The following MYO16 variants were observed in gnomAD, a reference collection of about 807,000 sequenced individuals.
MYO16 encodes unconventional myosin-XVI.
A neutral mutation model predicts 205.3 loss-of-function variants in MYO16; 94 were observed. The observed-to-expected ratio is 0.46, with a 90% CI of 0.39 to 0.54. The LOEUF is 0.54. Among genes scored for constraint, MYO16 ranks in the 20% least tolerant of loss-of-function variants. The pLI is 0.00. For synonymous variants in MYO16, 988 were observed against 954.0 expected (o/e 1.04, Z -0.66); for missense variants, 2,315 against 2,387.5 (o/e 0.97, Z 0.63).
At chr13:109,192,460 G>A (rs1879962746) in intron 34 of MYO16, among the ~76,000 whole-genome samples, 1 of 151,952 alleles carries the variant, frequency 6.6e-6, no homozygotes, top group Admixed American at 6.6e-5. Flanking sequence ...ATTATCTTAA[G>A]GGCACTGTAA....
In MYO16 at chr13:108,877,198, C is replaced by T. The variant is rs140144374; in HGVS notation, c.1426-5861C>T. ...AATTGTTTTATAAATGCTCTTTTTG[C>T]TCATGTTTGAGAGTTTCAACAGAGA... is the stretch of plus-strand genomic sequence containing the variant. On this transcript the variant is annotated intron_variant, in intron 12 of 34. Coordinates refer to ENST00000457511, the MANE Select transcript of MYO16 (RefSeq NM_001198950.3). Among the ~76,000 whole-genome samples, 58 of 152,238 alleles carry T rather than the reference C, an allele frequency of 3.8e-4. No individual in the cohort carries two copies. The East Asian group carries it at 0.011, about 29-fold the overall frequency.
At chr13:109,115,966 A>C (rs1875656497) in intron 28 of MYO16, among the ~76,000 whole-genome samples, 2 of 149,412 alleles carry the variant, frequency 1.3e-5, no homozygotes, top group African/African-American at 2.5e-5. Flanking sequence ...GCATCTCAAA[A>C]AAACAAACAA....
intron 16 of MYO16, among the ~76,000 whole-genome samples, chr13:108,912,534 A>G (rs539378076): frequency 6.6e-6 from 1 of 152,280 alleles, no homozygotes; most frequent in African/African-American, 2.4e-5. Flanking sequence ...TAAAGGAGGA[A>G]ATCAAAGCCA....
chr13:108,680,786 G>A (rs188894236), intron 2 of MYO16, among the ~76,000 whole-genome samples: 6 of 152,298 alleles, frequency 3.9e-5, no homozygotes, highest in African/African-American at 7.2e-5. Flanking sequence ...ATGGGGAGAT[G>A]AGGGAGTGTA....
intron 23 of MYO16, among the ~76,000 whole-genome samples, chr13:109,046,320 A>AT (rs1887042298): frequency 6.6e-6 from 1 of 151,888 alleles, no homozygotes; most frequent in South Asian, 2.1e-4. Context: ...ACAACAAACT[A>AT]TTTCAGTCTT....
chr13:108,939,717 T>C (rs4597176), intron 16 of MYO16, among the ~76,000 whole-genome samples: 16,942 of 152,258 alleles, frequency 0.11, 1,227 homozygotes, highest in Middle Eastern at 0.24. Flanking sequence ...CTAATGTCTC[T>C]AATTCAGAGT....
intron 4 of MYO16, among the ~76,000 whole-genome samples, chr13:108,766,682 G>T (rs1399176250): frequency 6.6e-6 from 1 of 152,162 alleles, no homozygotes; most frequent in Non-Finnish European, 1.5e-5. Flanking sequence ...GACTGCATTT[G>T]GTTGCCTTTT....
At chr13:108,946,698 AG>A in intron 16 of MYO16, among the ~76,000 whole-genome samples, 1 of 152,306 alleles carries the variant, frequency 6.6e-6, no homozygotes. Context: ...CCAGAAAAAC[AG>A]AGCCAATAGC....
chr13:108,545,754 A>T, the MYO16 span, among the ~76,000 whole-genome samples: 1 of 152,158 alleles, frequency 6.6e-6, no homozygotes, highest in South Asian at 2.1e-4. Flanking sequence ...GGAGCAGGGA[A>T]GAGGGATGGA....
At position 109,055,554 on chromosome 13, in the gene MYO16, T is replaced by C. The variant is rs1887389856; in HGVS notation, c.3294T>C (p.Tyr1098=). ...TGGAGATGGTGAAGATCTTCCGATA[T>C]GGATACCCTGTTCGCCTTTCCTTCT... ...GVLEMVKIFR[Y]GYPVRLSFSD... is the part of the protein sequence containing the mutation. Residue 1098 remains tyrosine, a synonymous_variant, in exon 27 of 35, where the codon TAT becomes TAC. Transcript: ENST00000457511. This position sits in a 1 kb window ranked among gnomAD's most constrained non-coding sequence, Gnocchi z 5.0. 1.2e-6 allele frequency: 2 copies of C among 1,612,690 alleles called. No homozygotes were observed. Among genetic ancestry groups the C allele is most frequent in the East Asian group, 2.2e-5 (1 of 44,856 alleles).
At chr13:108,656,961 G>T (rs780009102) in intron 1 of MYO16, among the ~76,000 whole-genome samples, 4 of 152,192 alleles carry the variant, frequency 2.6e-5, no homozygotes, top group Non-Finnish European at 5.9e-5. Flanking sequence ...CTCAGCACCA[G>T]ACAGCAGGCT....
At chr13:108,568,450 C>T in the MYO16 span, among the ~76,000 whole-genome samples, 1 of 152,030 alleles carries the variant, frequency 6.6e-6, no homozygotes, top group Admixed American at 6.5e-5. Context: ...ACTATATATT[C>T]AGCATTTTTT....
At chr13:108,854,132 T>C (rs1878045981) in intron 10 of MYO16, among the ~76,000 whole-genome samples, 1 of 152,068 alleles carries the variant, frequency 6.6e-6, no homozygotes. Context: ...TAGCTGAGAT[T>C]ACAGGCATGT....
chr13:109,065,017 G>A (rs187636120), intron 27 of MYO16, among the ~76,000 whole-genome samples: 1 of 152,202 alleles, frequency 6.6e-6, no homozygotes, highest in Non-Finnish European at 1.5e-5. Context: ...CCCAGTTGCA[G>A]CCATATGGCT....
chr13:108,964,633 C>A (rs935800169), intron 19 of MYO16, 128 bp from the exon 20 acceptor site: 9 of 995,224 alleles, frequency 9.0e-6, no homozygotes, highest in Non-Finnish European at 1.2e-5. Context: ...TTATGAGAAT[C>A]CGTATAATTT....
chr13:108,962,384 AT>A (rs1296263305), intron 18 of MYO16, 39 bp from the exon 19 acceptor site: 4 of 1,531,520 alleles, frequency 2.6e-6, no homozygotes, highest in East Asian at 2.3e-5. Context: ...GTATCAAAAA[AT>A]ATACTAACTT....
intron 28 of MYO16, among the ~76,000 whole-genome samples, chr13:109,115,181 C>T (rs977083354): frequency 2.7e-5 from 4 of 146,904 alleles, no homozygotes; most frequent in South Asian, 4.4e-4. Flanking sequence ...TTCCGTGCCA[C>T]CTACACTCTA....
In MYO16 at chr13:109,055,431, T is replaced by G; in HGVS notation, c.3171T>G (p.Thr1057=). 1 of 1,613,054 alleles carries G rather than the reference T, an allele frequency of 6.2e-7. No homozygotes were observed. The highest frequency in any genetic ancestry group is 8.5e-7 in the Non-Finnish European group (1 of 1,179,416). ...TTATTGGAAAACTTCAGAAGTGCAC[T>G]CCACACTTCATTCATTGCATCAGGC... ...MDIIGKLQKC[T]PHFIHCIRPN... is the part of the protein sequence containing the mutation. Residue 1057 remains threonine, a synonymous_variant, in exon 27 of 35, where the codon ACT becomes ACG. Coordinates refer to ENST00000457511, the MANE Select transcript of MYO16 (RefSeq NM_001198950.3). This position sits in a 1 kb window ranked among gnomAD's most constrained non-coding sequence, Gnocchi z 5.0.
chr13:108,778,546 G>A (rs1203737958), intron 4 of MYO16, among the ~76,000 whole-genome samples: 1 of 152,178 alleles, frequency 6.6e-6, no homozygotes, highest in Non-Finnish European at 1.5e-5. Flanking sequence ...TTGAACCCGG[G>A]AGGCGAAGGT....
Sources: gnomAD v4.1 joint callset for allele counts (sites outside exome capture counted in the v4.1 genomes callset) on GRCh38, gnomAD v4.1.1 for gene constraint, Gnocchi (gnomAD v3.1) non-coding constraint, MANE v1.5 for transcripts, NCBI Gene and HGNC (gene_info 2026-07-23, HGNC 2026-07-21) for gene names.